The following HS1BP3 variants were observed in gnomAD, a reference collection of about 807,000 sequenced individuals.
HS1BP3 encodes the protein HCLS1 binding protein 3.
In HS1BP3, 32 loss-of-function variants were observed where a neutral mutation model predicts 33.5. That is an observed-to-expected ratio of 0.95 (90% CI 0.72 to 1.28). The LOEUF is 1.28. Ranked by LOEUF, HS1BP3 falls within the 50% of genes most tolerant of loss-of-function variation. The probability of loss-of-function intolerance (pLI) is 0.00; values close to 1 mark genes in which losing one functional copy is unlikely to be tolerated. For missense variants in HS1BP3, 486 were observed against 502.3 expected (o/e 0.97, Z 0.31); for synonymous variants, 187 against 209.2 (o/e 0.89, Z 0.92).
At chr2:20,613,766 T>C (rs1694361103), downstream of HS1BP3, among the ~76,000 whole-genome samples, 11 of 152,144 alleles carry the variant, frequency 7.2e-5, no homozygotes, top group Admixed American at 7.2e-4. Flanking sequence ...GAAACCGACA[T>C]GGCACTGCTG....
intron 3 of HS1BP3, chr2:20,640,684 C>G (rs903924894): frequency 2.9e-4 from 167 of 576,868 alleles, no homozygotes; most frequent in Middle Eastern, 4.2e-4. Context: ...GGGTGTCGGG[C>G]AAGCTCTAGG....
intron 2 of HS1BP3, among the ~76,000 whole-genome samples, chr2:20,609,166 G>A (rs145454361): frequency 5.9e-4 from 90 of 152,322 alleles, no homozygotes; most frequent in African/African-American, 2.0e-3. Flanking sequence ...GATGAGCACC[G>A]TCCTTGGGGG....
At chr2:20,600,619 T>C (rs1373541585) in intron 2 of HS1BP3, among the ~76,000 whole-genome samples, 1 of 152,258 alleles carries the variant, frequency 6.6e-6, no homozygotes, top group Non-Finnish European at 1.5e-5. Flanking sequence ...TGATGCTGAT[T>C]GTATTTTCTA....
intron 2 of HS1BP3, among the ~76,000 whole-genome samples, chr2:20,604,939 C>A (rs1694143058): frequency 6.6e-6 from 1 of 152,202 alleles, no homozygotes; most frequent in Non-Finnish European, 1.5e-5. Context: ...GCCCAGGCTC[C>A]TTGAGGTTGG....
At position 20,618,639 on chromosome 2, in the gene HS1BP3, C is replaced by T; in HGVS notation, c.*348G>A. 7.6e-6 allele frequency: 8 copies of T among 1,058,304 alleles called. No individual in the cohort carries two copies. Among genetic ancestry groups the T allele is most frequent in the East Asian group, 5.8e-5 (1 of 17,244 alleles). 65.6% of individuals were successfully genotyped at this position (1,058,304 alleles called of 1,614,324 possible). A position where few individuals can be genotyped will look rare whatever the true frequency, so the allele number is the denominator to read the frequency against. ...CCCGTGGGCATGAAGCTTCCCTGCC[C>T]CATGTGACACCTCGCTACGGCCCCA... On this transcript the variant is annotated 3_prime_UTR_variant, in exon 7 of 7. Transcript: ENST00000304031.
rs754685642 is a variant in HS1BP3, at chr2:20,638,580, G to C, written c.479C>G (p.Thr160Arg). ...SSVLDGTDSQ[T>R]GNDEEAFDFF... ...GTCGAAAGCCTCTTCATCATTCCCT[G>C]TCTGACTGTCTGTGCCATCCAGGAC... The change falls in exon 4 of 7, where the codon ACA becomes AGA. Residue 160 changes from threonine (T) to arginine (R), a missense_variant. Coordinates refer to ENST00000304031, the MANE Select transcript of HS1BP3 (RefSeq NM_022460.4). 36 of 1,614,080 alleles carry C rather than the reference G, an allele frequency of 2.2e-5. No homozygotes were observed. Among genetic ancestry groups the C allele is most frequent in the Non-Finnish European group, 3.1e-5 (36 of 1,180,032 alleles).
intron 5 of HS1BP3, among the ~76,000 whole-genome samples, chr2:20,565,698 A>G (rs1355411563): frequency 1.3e-5 from 2 of 152,202 alleles, no homozygotes; most frequent in Admixed American, 1.3e-4. Flanking sequence ...TGAATGTGGA[A>G]CCTCTGATCC....
At chr2:20,593,211 C>T (rs1393516740) in intron 3 of HS1BP3, among the ~76,000 whole-genome samples, 1 of 152,092 alleles carries the variant, frequency 6.6e-6, no homozygotes, top group Non-Finnish European at 1.5e-5. Context: ...TTGGTATGGC[C>T]AGGCCCTCCC....
intron 4 of HS1BP3, among the ~76,000 whole-genome samples, chr2:20,631,540 A>G (rs1404537681): frequency 9.6e-6 from 1 of 104,190 alleles, no homozygotes; most frequent in Non-Finnish European, 2.1e-5. Flanking sequence ...AAAAAAAAAA[A>G]AAAAAAAAAA....
chr2:20,623,550 A>G (rs1194063358), intron 6 of HS1BP3: 2 of 174,944 alleles, frequency 1.1e-5, no homozygotes, highest in Non-Finnish European at 2.4e-5. Flanking sequence ...AGTCCGTTTA[A>G]TTTGTTCCCA....
downstream of HS1BP3, among the ~76,000 whole-genome samples, chr2:20,616,896 C>G (rs1215781396): frequency 2.0e-5 from 3 of 152,116 alleles, no homozygotes; most frequent in South Asian, 6.2e-4. Context: ...GAGTCGCAGT[C>G]CTGTGGGTGA....
chr2:20,573,320 T>C (rs1693319668), intron 5 of HS1BP3, among the ~76,000 whole-genome samples: 1 of 152,172 alleles, frequency 6.6e-6, no homozygotes, highest in Non-Finnish European at 1.5e-5. Flanking sequence ...TTCAGGCCTC[T>C]GGAACTGTGA....
rs749011255 is a variant in HS1BP3, at chr2:20,641,196, C to T, written c.199-16G>A. 6.3e-7 allele frequency: 1 copy of T among 1,596,382 alleles called. No homozygotes were observed. The highest frequency in any genetic ancestry group is 1.1e-5 in the South Asian group (1 of 90,780). On this transcript the variant is annotated splice_polypyrimidine_tract_variant and intron_variant, in intron 2 of 6. Coordinates refer to ENST00000304031, the MANE Select transcript of HS1BP3 (RefSeq NM_022460.4). ...TTTTGGAGACCTGGAATGAGAGGAG[C>T]ATGTGGTTTCCTGAGTGAAGAGTGG...
At chr2:20,555,624 T>TTTCC (rs1298544440), downstream of HS1BP3, among the ~76,000 whole-genome samples, 3 of 151,064 alleles carry the variant, frequency 2.0e-5, no homozygotes, top group Admixed American at 6.6e-5. Flanking sequence ...ATATGGTGAG[T>TTTCC]TTCCTTCCTT....
At chr2:20,605,518 C>A (rs1030109411) in intron 2 of HS1BP3, among the ~76,000 whole-genome samples, 28 of 152,176 alleles carry the variant, frequency 1.8e-4, no homozygotes, top group Admixed American at 6.5e-5. Flanking sequence ...ATTTACAAAG[C>A]TGTACAACTC....
At chr2:20,584,274 GAA>G (rs1464539501) in intron 5 of HS1BP3, among the ~76,000 whole-genome samples, 2 of 152,228 alleles carry the variant, frequency 1.3e-5, no homozygotes, top group African/African-American at 4.8e-5. Context: ...CATGCTGGCA[GAA>G]GAGAGATGTT....
At chr2:20,582,232 C>T (rs1344677528) in intron 5 of HS1BP3, among the ~76,000 whole-genome samples, 1 of 152,182 alleles carries the variant, frequency 6.6e-6, no homozygotes, top group Non-Finnish European at 1.5e-5. Context: ...AAAGTGAAGC[C>T]CCAGGCAGTG....
At chr2:20,608,495 A>ACG (rs1348408103) in intron 2 of HS1BP3, among the ~76,000 whole-genome samples, 1 of 146,592 alleles carries the variant, frequency 6.8e-6, no homozygotes, top group Non-Finnish European at 1.5e-5. Context: ...AATCTCTTGA[A>ACG]CCCGGGAGGT....
At chr2:20,582,026 G>T (rs1693546422) in intron 5 of HS1BP3, among the ~76,000 whole-genome samples, 1 of 152,170 alleles carries the variant, frequency 6.6e-6, no homozygotes, top group Non-Finnish European at 1.5e-5. Flanking sequence ...GCACAAAATA[G>T]TCTGTTTTTA....
Sources: allele counts gnomAD v4.1 joint callset (sites outside exome capture counted in the v4.1 genomes callset), GRCh38; gene constraint gnomAD v4.1.1; transcripts MANE v1.5; gene names NCBI Gene and HGNC (gene_info 2026-07-23, HGNC 2026-07-21).